Variants in DPY19L1 observed in about 807,000 individuals in gnomAD.
DPY19L1 encodes dpy-19 like C-mannosyltransferase 1.
DPY19L1 carries 35 observed loss-of-function variants against 96.9 expected under a neutral mutation model. The ratio of observed to expected loss-of-function variants is 0.36; its 90% CI spans 0.28 to 0.48. The LOEUF is 0.48. Among genes scored for constraint, DPY19L1 ranks in the 20% least tolerant of loss-of-function variants. The pLI, the probability that DPY19L1 is intolerant of heterozygous loss-of-function variation, is 0.99. For synonymous variants in DPY19L1, 205 were observed against 252.6 expected (o/e 0.81, Z 1.79); for missense variants, 521 against 777.9 (o/e 0.67, Z 3.93).
intron 7 of DPY19L1, among the ~76,000 whole-genome samples, chr7:34,976,375 C>T (rs1398038146): frequency 6.6e-6 from 1 of 152,156 alleles, no homozygotes; most frequent in African/African-American, 2.4e-5. Flanking sequence ...GCTGTAATCT[C>T]ATGATAAAAT....
intron 7 of DPY19L1, among the ~76,000 whole-genome samples, chr7:34,976,637 A>G (rs1479176963): frequency 6.6e-6 from 1 of 152,208 alleles, no homozygotes; most frequent in Non-Finnish European, 1.5e-5. Flanking sequence ...AGAAAGAATC[A>G]ATCAATACAG....
chr7:35,037,990 C>T (rs1387440087), upstream of DPY19L1: 2 of 1,054,738 alleles, frequency 1.9e-6, no homozygotes, highest in African/African-American at 3.3e-5. Context: ...GGAGCCCGCG[C>T]AGGCGAGACG....
At chr7:35,031,907 T>C (rs754770313) in intron 1 of DPY19L1, among the ~76,000 whole-genome samples, 4 of 152,206 alleles carry the variant, frequency 2.6e-5, no homozygotes, top group South Asian at 2.1e-4. Flanking sequence ...CAAATTCCCA[T>C]TGGCATAACC....
At chr7:35,036,244 C>T (rs1237747173) in intron 1 of DPY19L1, among the ~76,000 whole-genome samples, 1 of 152,046 alleles carries the variant, frequency 6.6e-6, no homozygotes, top group Non-Finnish European at 1.5e-5. Context: ...AGTTCAGTAG[C>T]GAAAAGCCCA....
intron 7 of DPY19L1, among the ~76,000 whole-genome samples, chr7:34,980,223 G>GA (rs373712828): frequency 2.0e-5 from 3 of 152,204 alleles, no homozygotes; most frequent in African/African-American, 7.2e-5. Context: ...GGGGAGGAAG[G>GA]AATCTGGAAC....
chr7:34,974,994 T>G (rs1394415905), intron 7 of DPY19L1, among the ~76,000 whole-genome samples: 1 of 152,116 alleles, frequency 6.6e-6, no homozygotes, highest in South Asian at 2.1e-4. Context: ...TGGATAAATG[T>G]GTGTGTTCTA....
At chr7:35,007,913 G>GATT (rs1031383257) in intron 6 of DPY19L1, among the ~76,000 whole-genome samples, 1 of 151,768 alleles carries the variant, frequency 6.6e-6, no homozygotes, top group Non-Finnish European at 1.5e-5. Flanking sequence ...CACTTGCTTT[G>GATT]GAATAGGTTT....
chr7:35,037,886 C>T (rs565464346), upstream of DPY19L1: 3 of 1,238,786 alleles, frequency 2.4e-6, no homozygotes, highest in Non-Finnish European at 3.0e-6. Context: ...CGGAGGCGGC[C>T]GCCCTTCCAT....
chr7:35,013,887 T>C (rs1785775298), intron 3 of DPY19L1, among the ~76,000 whole-genome samples, 182 bp from the exon 4 acceptor site: 1 of 152,170 alleles, frequency 6.6e-6, no homozygotes, highest in Admixed American at 6.5e-5. Flanking sequence ...TATTTTCACA[T>C]AAATGCATCT....
In DPY19L1 at chr7:34,942,599, C is replaced by G. The variant is rs202077354; in HGVS notation, c.1569+16G>C. The G allele has an allele frequency of 0.013, 20,664 of 1,569,428 alleles. 162 individuals carry two copies. Among genetic ancestry groups the G allele is most frequent in the Non-Finnish European group, 0.015 (17,595 of 1,153,018 alleles). On this transcript the variant is annotated intron_variant, in intron 17 of 21. Transcript: ENST00000638088. ...ACTTTAAGATAAGTAAAATTATAGTCATATTAAGTCTTTACCTCTCCATGA... is the reference window on the plus strand; with the variant it reads ...ACTTTAAGATAAGTAAAATTATAGTGATATTAAGTCTTTACCTCTCCATGA...
intron 10 of DPY19L1, among the ~76,000 whole-genome samples, chr7:34,961,031 A>AT (rs1460691161): frequency 3.9e-5 from 6 of 152,202 alleles, no homozygotes. Context: ...AACTTTATAA[A>AT]TACATGAAGT....
intron 7 of DPY19L1, among the ~76,000 whole-genome samples, chr7:34,980,774 G>T (rs980164917): frequency 3.3e-5 from 5 of 152,130 alleles, no homozygotes; most frequent in African/African-American, 1.2e-4. Flanking sequence ...ATAATTAAGA[G>T]GACTGCCAAA....
chr7:34,931,554 G>C lies in DPY19L1; in HGVS notation c.*19C>G. On this transcript the variant is annotated 3_prime_UTR_variant, in exon 22 of 22. Transcript: ENST00000638088. Reference sequence around the variant, plus strand: ...CCATTACAGATGTAGTTCTCCGTAGGCAGCAGGTCATGTAGCAGTCATTCT... The same window carrying C: ...CCATTACAGATGTAGTTCTCCGTAGCCAGCAGGTCATGTAGCAGTCATTCT... 2 of 1,511,672 alleles carry C rather than the reference G, an allele frequency of 1.3e-6. No homozygotes were observed. Among genetic ancestry groups the C allele is most frequent in the Non-Finnish European group, 1.8e-6 (2 of 1,132,270 alleles). The allele number at this position is 1,511,672 out of a possible 1,614,324, so 93.6% of individuals were successfully genotyped here.
Position 34,945,912 on chromosome 7 carries a change from G to T in DPY19L1, c.1495-196C>A, listed in dbSNP as rs1391700270. 3.3e-5 allele frequency among the ~76,000 whole-genome samples: 5 copies of T among 152,270 alleles called. No homozygotes were observed. In the East Asian group the frequency reaches 9.6e-4, roughly 29 times the overall value. Reference sequence around the variant, plus strand: ...AAAGCTAATATTCAACAACCCTGTTGGGTAGATTATATCATCCTCGTTTTG... The same window carrying T: ...AAAGCTAATATTCAACAACCCTGTTTGGTAGATTATATCATCCTCGTTTTG... On this transcript the variant is annotated intron_variant, in intron 15 of 21. Transcript: ENST00000638088.
At chr7:34,974,212 T>C (rs1012971720) in intron 7 of DPY19L1, among the ~76,000 whole-genome samples, 2 of 152,198 alleles carry the variant, frequency 1.3e-5, no homozygotes, top group Non-Finnish European at 2.9e-5. Context: ...AATTAAGCAA[T>C]GTACTATCAC....
chr7:34,943,236 G>A (rs1784064813), intron 16 of DPY19L1, among the ~76,000 whole-genome samples: 1 of 152,172 alleles, frequency 6.6e-6, no homozygotes, highest in Non-Finnish European at 1.5e-5. Context: ...TGATATATTA[G>A]CAAACTCAGG....
intron 7 of DPY19L1, among the ~76,000 whole-genome samples, chr7:34,985,100 A>T (rs974400868): frequency 3.3e-5 from 5 of 152,146 alleles, no homozygotes; most frequent in Non-Finnish European, 1.5e-5. Flanking sequence ...GAGGTCCACA[A>T]ATTGGCAAGA....
intron 7 of DPY19L1, among the ~76,000 whole-genome samples, chr7:34,987,026 T>G (rs976531597): frequency 6.6e-5 from 10 of 151,936 alleles, no homozygotes; most frequent in African/African-American, 2.4e-4. Context: ...CAATCCTATT[T>G]CACAAAAAAA....
chr7:35,010,783 C>T (rs1486550664), intron 5 of DPY19L1, among the ~76,000 whole-genome samples: 19 of 152,250 alleles, frequency 1.2e-4, no homozygotes, highest in East Asian at 7.7e-4. Context: ...TTCACTGATA[C>T]GCCTCCTCTG....
Sources: allele counts gnomAD v4.1 joint callset (sites outside exome capture counted in the v4.1 genomes callset), GRCh38; gene constraint gnomAD v4.1.1; transcripts MANE v1.5; gene names NCBI Gene and HGNC (gene_info 2026-07-23, HGNC 2026-07-21).